ASXL2: variants seen among roughly 807,000 people sequenced by gnomAD.
ASXL2 encodes the protein ASXL transcriptional regulator 2, also known as putative Polycomb group protein ASXL2.
ASXL2 carries 23 observed loss-of-function variants against 122.0 expected under a neutral mutation model. The ratio of observed to expected loss-of-function variants is 0.19; its 90% CI spans 0.14 to 0.27. ASXL2 has a LOEUF of 0.27. Among genes scored for constraint, ASXL2 ranks in the 10% least tolerant of loss-of-function variants. The pLI, the probability that ASXL2 is intolerant of heterozygous loss-of-function variation, is 1.00. For synonymous variants in ASXL2, 650 were observed against 637.0 expected, an observed-to-expected ratio of 1.02 and a Z score of -0.31; for missense variants, 1,518 against 1,713.8, an observed-to-expected ratio of 0.89 and a Z score of 2.02.
chr2:25,871,712 C>G (rs2089963439), intron 1 of ASXL2, among the ~76,000 whole-genome samples: 1 of 152,226 alleles, frequency 6.6e-6, no homozygotes, highest in African/African-American at 2.4e-5. Context: ...CTGCCTCAGC[C>G]TCCTGAGTAG....
intron 1 of ASXL2, chr2:25,856,362 A>ATTTTTTT (rs1491241695): frequency 5.7e-5 from 14 of 246,990 alleles, no homozygotes; most frequent in African/African-American, 1.3e-4. Context: ...CCTGGCCTAT[A>ATTTTTTT]CTTTTTTTTT....
chr2:25,819,595 A>G (rs1399709329), intron 3 of ASXL2, among the ~76,000 whole-genome samples: 1 of 152,202 alleles, frequency 6.6e-6, no homozygotes, highest in African/African-American at 2.4e-5. Context: ...TCATAATTAA[A>G]CAGCAGAAAT....
intron 6 of ASXL2, among the ~76,000 whole-genome samples, chr2:25,770,160 T>C (rs1022628507): frequency 2.0e-5 from 3 of 152,262 alleles, no homozygotes; most frequent in South Asian, 2.1e-4. Context: ...TTAGAACCAC[T>C]TGATTGCATC....
At chr2:25,765,167 C>T (rs1402732764) in intron 8 of ASXL2, among the ~76,000 whole-genome samples, 2 of 152,096 alleles carry the variant, frequency 1.3e-5, no homozygotes, top group Admixed American at 1.3e-4. Flanking sequence ...ATGTTTTACA[C>T]AACTTCTTCC....
At chr2:25,781,452 T>C (rs1428599737) in intron 5 of ASXL2, among the ~76,000 whole-genome samples, 15 of 152,162 alleles carry the variant, frequency 9.9e-5, no homozygotes, top group Non-Finnish European at 1.5e-5. Flanking sequence ...TTGTTGTTGA[T>C]GTTGTTACCG....
chr2:25,878,043 C>G (rs2090024678), intron 1 of ASXL2, 123 bp downstream of exon 1: 3 of 1,250,306 alleles, frequency 2.4e-6, no homozygotes, highest in Non-Finnish European at 3.5e-6. Flanking sequence ...CCGCCGCCCT[C>G]TCCGCGCGGT....
intron 1 of ASXL2, among the ~76,000 whole-genome samples, chr2:25,859,236 C>G (rs553771783): frequency 6.6e-5 from 10 of 152,136 alleles, no homozygotes; most frequent in African/African-American, 2.4e-4. Flanking sequence ...ACCACCACAC[C>G]CAGCTAAGAA....
rs369252695 is a variant in ASXL2 at position 25,743,602 on chromosome 2, C to A, written c.2735G>T (p.Gly912Val). The A allele has an allele frequency of 7.6e-5, 122 of 1,613,834 alleles. No homozygotes were observed. Among genetic ancestry groups the A allele is most frequent in the Non-Finnish European group, 9.7e-5 (114 of 1,179,900 alleles). ...CAAAGTGCTCGAGGGTGGAGCTGAT[C>A]CAGCAGGTGCTGTAGTTGCACTGAC... ...PQVSATTAPA[G>V]SAPPSSTLPA... The change falls in exon 13 of 13, where the codon GGA (glycine) becomes GTA (valine). Residue 912 changes from glycine to valine, a missense_variant. Coordinates refer to ENST00000435504, the MANE Select transcript of ASXL2 (RefSeq NM_018263.6).
intron 1 of ASXL2, chr2:25,856,829 G>A: frequency 9.9e-7 from 1 of 1,013,276 alleles, no homozygotes; most frequent in Non-Finnish European, 1.5e-6. Flanking sequence ...CCACAATCTG[G>A]ATGTCCACCC....
At chr2:25,867,677 C>A (rs568064696) in intron 1 of ASXL2, among the ~76,000 whole-genome samples, 1 of 152,184 alleles carries the variant, frequency 6.6e-6, no homozygotes, top group Non-Finnish European at 1.5e-5. Context: ...TACTTGTCAG[C>A]CCAGCTTCTA....
chr2:25,873,740 G>C (rs904052059), intron 1 of ASXL2, among the ~76,000 whole-genome samples: 2 of 150,276 alleles, frequency 1.3e-5, no homozygotes, highest in African/African-American at 4.9e-5. Context: ...CCCACACCTT[G>C]TTTCTCATAT....
At chr2:25,831,296 C>A (rs1328665836) in intron 3 of ASXL2, among the ~76,000 whole-genome samples, 1 of 147,492 alleles carries the variant, frequency 6.8e-6, no homozygotes, top group Admixed American at 6.7e-5. Context: ...CAGTGAGACT[C>A]CGTCTCAAAA....
At chr2:25,766,255 C>G (rs542845759) in intron 8 of ASXL2, among the ~76,000 whole-genome samples, 1 of 152,050 alleles carries the variant, frequency 6.6e-6, no homozygotes, top group Admixed American at 6.6e-5. Context: ...AAAAAACATG[C>G]CTTGGCATAG....
intron 12 of ASXL2, among the ~76,000 whole-genome samples, chr2:25,747,635 A>G (rs10180842): frequency 0.28 from 42,301 of 152,126 alleles, 6,196 homozygotes; most frequent in African/African-American, 0.33. Flanking sequence ...TACAGGTGAG[A>G]AAATAGAAAT....
At chr2:25,798,954 G>A (rs1237927173) in intron 5 of ASXL2, among the ~76,000 whole-genome samples, 1 of 152,132 alleles carries the variant, frequency 6.6e-6, no homozygotes, top group Non-Finnish European at 1.5e-5. Context: ...ATGGACTCTG[G>A]GTGATGATGT....
At chr2:25,758,859 T>C (rs570901753) in intron 9 of ASXL2, among the ~76,000 whole-genome samples, 23 of 152,272 alleles carry the variant, frequency 1.5e-4, no homozygotes, top group Non-Finnish European at 2.8e-4. Flanking sequence ...TCTGGACCCA[T>C]GTTTTTGGCT....
At chr2:25,773,391 C>T (rs535859442) in intron 5 of ASXL2, among the ~76,000 whole-genome samples, 1 of 152,084 alleles carries the variant, frequency 6.6e-6, no homozygotes, top group Admixed American at 6.5e-5. Flanking sequence ...CTTGGCCAGG[C>T]GCGGTGGCTC....
intron 3 of ASXL2, chr2:25,809,892 G>C (rs1466467824): frequency 7.9e-6 from 4 of 505,012 alleles, no homozygotes; most frequent in African/African-American, 1.9e-5. Flanking sequence ...AGGGTCAGAG[G>C]GAGGAGCAGC....
chr2:25,849,472 A>T (rs2089691877), intron 1 of ASXL2, among the ~76,000 whole-genome samples: 1 of 151,296 alleles, frequency 6.6e-6, no homozygotes, highest in Admixed American at 6.6e-5. Context: ...AAAAAAAAAA[A>T]AGTTTTTTGT....
Sources: gnomAD v4.1 joint callset for allele counts (sites outside exome capture counted in the v4.1 genomes callset) on GRCh38, gnomAD v4.1.1 for gene constraint, MANE v1.5 for transcripts, NCBI Gene and HGNC (gene_info 2026-07-23, HGNC 2026-07-21) for gene names.